Variants in KIAA1328 observed in about 807,000 individuals in gnomAD.
The protein encoded by KIAA1328 is protein hinderin.
KIAA1328 carries 52 observed loss-of-function variants against 68.1 expected under a neutral mutation model. The ratio of observed to expected loss-of-function variants is 0.76; its 90% CI spans 0.61 to 0.96. The LOEUF (loss-of-function observed/expected upper bound fraction) is 0.96. Among genes scored for constraint, KIAA1328 ranks in the 40% least tolerant of loss-of-function variants. The probability of loss-of-function intolerance (pLI) is 0.00; values close to 1 mark genes in which losing one functional copy is unlikely to be tolerated. For missense variants in KIAA1328, 641 were observed against 677.6 expected, an observed-to-expected ratio of 0.95 and a Z score of 0.60; for synonymous variants, 232 against 239.4, an observed-to-expected ratio of 0.97 and a Z score of 0.28.
chr18:37,020,322 T>G (rs367608800), intron 6 of KIAA1328, among the ~76,000 whole-genome samples: 1 of 152,050 alleles, frequency 6.6e-6, no homozygotes, highest in South Asian at 2.1e-4. Context: ...AGGGTTTCAC[T>G]ATGTTGGCCA....
Position 37,121,471 on chromosome 18 carries a change from GATCT to G in KIAA1328, c.1233-38721_1233-38718del, listed in dbSNP as rs370158496. On this transcript the variant is annotated intron_variant, in intron 7 of 9. Coordinates refer to ENST00000280020, the MANE Select transcript of KIAA1328 (RefSeq NM_020776.3). ...CTATCTATCTATCTATGCATCTATC[GATCT>G]ATCTATCCATCTATCGTTACAAATA... is the stretch of plus-strand genomic sequence containing the variant. Among the ~76,000 whole-genome samples the G allele has an allele frequency of 4.1e-3, 584 of 143,056 alleles. 4 individuals are homozygous for G. Among genetic ancestry groups the G allele is most frequent in the African/African-American group, 0.014 (549 of 39,016 alleles). The allele number at this position is 143,056 out of a possible 152,430, so 93.9% of individuals were successfully genotyped here. A position where few individuals can be genotyped will look rare whatever the true frequency, so the allele number is the denominator to read the frequency against.
intron 6 of KIAA1328, chr18:37,063,729 T>A (rs193130016): frequency 1.1e-6 from 1 of 942,100 alleles, no homozygotes; most frequent in East Asian, 1.2e-4. Flanking sequence ...TGAAAAAAAT[T>A]TTTTAATTTA....
At chr18:36,829,221 G>A (rs2046361624) in intron 1 of KIAA1328, 25 bp downstream of exon 1, 2 of 1,499,214 alleles carry the variant, frequency 1.3e-6, no homozygotes, top group South Asian at 2.5e-5. Flanking sequence ...CCTGACAGGG[G>A]GCGCCGGCGC....
At chr18:37,097,265 G>C (rs1046185432) in intron 7 of KIAA1328, among the ~76,000 whole-genome samples, 2 of 152,166 alleles carry the variant, frequency 1.3e-5, no homozygotes, top group African/African-American at 4.8e-5. Flanking sequence ...GTGTGAGGAA[G>C]GGATCCAGTT....
intron 7 of KIAA1328, among the ~76,000 whole-genome samples, chr18:37,078,721 A>C (rs1238384694): frequency 1.3e-5 from 2 of 151,148 alleles, no homozygotes; most frequent in African/African-American, 4.9e-5. Context: ...CAAAAAACAC[A>C]TGAAAAAATG....
chr18:36,944,097 A>G (rs978775804), intron 5 of KIAA1328, among the ~76,000 whole-genome samples: 6 of 152,218 alleles, frequency 3.9e-5, no homozygotes, highest in South Asian at 2.1e-4. Flanking sequence ...ATGTTTATCA[A>G]TTGTCTTACC....
At chr18:36,949,905 A>G (rs948098439) in intron 5 of KIAA1328, among the ~76,000 whole-genome samples, 1 of 152,212 alleles carries the variant, frequency 6.6e-6, no homozygotes, top group African/African-American at 2.4e-5. Context: ...CGAATTTGCC[A>G]TAAATTTTTC....
In KIAA1328 at chr18:37,224,515, T is replaced by C. The variant is rs543972001; in HGVS notation, c.*2288T>C. On this transcript the variant is annotated 3_prime_UTR_variant, in exon 10 of 10. Coordinates refer to ENST00000280020, the MANE Select transcript of KIAA1328 (RefSeq NM_020776.3). ...TTTGTTGGTGTTGGTGCAAGGGCAA[T>C]AGGATGTAAATTTGTATATAATCTA... is the stretch of plus-strand genomic sequence containing the variant. 1.0e-6 allele frequency: 1 copy of C among 984,530 alleles called. No individual in the cohort carries two copies. The highest frequency in any genetic ancestry group is 4.7e-5 in the South Asian group (1 of 21,258). 61.0% of individuals were successfully genotyped at this position (984,530 alleles called of 1,614,324 possible).
rs1215247362 is a variant in KIAA1328 at position 37,225,148 on chromosome 18, A to T, written c.*2921A>T. The T allele has an allele frequency of 5.1e-6, 5 of 981,468 alleles. No individual in the cohort carries two copies. The highest frequency in any genetic ancestry group is 6.0e-6 in the Non-Finnish European group (5 of 827,680). The allele number at this position is 981,468 out of a possible 1,614,324, so 60.8% of individuals were successfully genotyped here. On this transcript the variant is annotated 3_prime_UTR_variant, in exon 10 of 10. Coordinates refer to ENST00000280020, the MANE Select transcript of KIAA1328 (RefSeq NM_020776.3). ...ATAATAGAGATCTTCTGGCCAGAGA[A>T]TCAGGGGAGAGGAGAGGCCTGATGG...
At chr18:37,163,108 C>G (rs1273832306) in intron 8 of KIAA1328, among the ~76,000 whole-genome samples, 1 of 152,148 alleles carries the variant, frequency 6.6e-6, no homozygotes, top group Admixed American at 6.5e-5. Context: ...TTTCATTCCT[C>G]TTTTTTCCTC....
chr18:37,063,715 T>C (rs2056239821), intron 6 of KIAA1328: 2 of 978,026 alleles, frequency 2.0e-6, no homozygotes, highest in African/African-American at 3.5e-5. Flanking sequence ...CAGGAAACAT[T>C]AACTGAAAAA....
chr18:36,977,236 G>A (rs2151352058), intron 6 of KIAA1328, among the ~76,000 whole-genome samples: 1 of 152,254 alleles, frequency 6.6e-6, no homozygotes, highest in Middle Eastern at 3.4e-3. Context: ...ATCCTTAAAG[G>A]CCTGTCATTG....
chr18:37,199,360 T>C (rs1358597663), intron 9 of KIAA1328, among the ~76,000 whole-genome samples: 10 of 152,214 alleles, frequency 6.6e-5, no homozygotes, highest in Admixed American at 6.5e-4. Context: ...TAGTTTTCTG[T>C]TCGTGCATTA....
At chr18:36,956,920 G>A (rs1195791379) in intron 5 of KIAA1328, among the ~76,000 whole-genome samples, 1 of 152,084 alleles carries the variant, frequency 6.6e-6, no homozygotes, top group Non-Finnish European at 1.5e-5. Context: ...AATGTACCTT[G>A]ACTCTGAAAA....
intron 6 of KIAA1328, among the ~76,000 whole-genome samples, chr18:36,960,038 G>A (rs950728346): frequency 6.6e-6 from 1 of 152,178 alleles, no homozygotes; most frequent in African/African-American, 2.4e-5. Context: ...CTGGTTGGGG[G>A]ATTTCCGTTT....
At chr18:36,879,430 C>T (rs763501595) in intron 4 of KIAA1328, among the ~76,000 whole-genome samples, 4 of 152,256 alleles carry the variant, frequency 2.6e-5, no homozygotes, top group Admixed American at 2.0e-4. Flanking sequence ...AGATGCCAGT[C>T]GGAGCTCTCC....
At chr18:37,221,038 G>A (rs935665787) in intron 9 of KIAA1328, among the ~76,000 whole-genome samples, 6 of 152,188 alleles carry the variant, frequency 3.9e-5, no homozygotes, top group Middle Eastern at 3.4e-3. Context: ...TGTTGTCCAG[G>A]CTGGTCTTGA....
intron 5 of KIAA1328, among the ~76,000 whole-genome samples, chr18:36,943,468 C>T (rs1377816330): frequency 6.6e-6 from 1 of 152,184 alleles, no homozygotes; most frequent in Non-Finnish European, 1.5e-5. Context: ...TAAACTGCTT[C>T]ATCACTGATA....
intron 7 of KIAA1328, among the ~76,000 whole-genome samples, chr18:37,149,917 C>T (rs2058989885): frequency 6.6e-6 from 1 of 151,960 alleles, no homozygotes; most frequent in Non-Finnish European, 1.5e-5. Context: ...AATATCAGGA[C>T]TGAAAAAGGA....
Sources: allele counts gnomAD v4.1 joint callset (sites outside exome capture counted in the v4.1 genomes callset), GRCh38; gene constraint gnomAD v4.1.1; transcripts MANE v1.5; gene names NCBI Gene and HGNC (gene_info 2026-07-23, HGNC 2026-07-21).